LANCL1: variants seen among roughly 807,000 people sequenced by gnomAD.
The protein encoded by LANCL1 is glutathione S-transferase LANCL1.
Under a neutral mutation model 50.6 loss-of-function variants are expected in LANCL1, and 50 were observed. The observed-to-expected ratio is 0.99, with a 90% CI of 0.79 to 1.25. The LOEUF (loss-of-function observed/expected upper bound fraction) is 1.25, where lower values mean the gene tolerates loss of function less well. Ranked by LOEUF, LANCL1 falls within the 50% of genes most tolerant of loss-of-function variation. The probability of loss-of-function intolerance (pLI) is 0.00; values close to 1 mark genes in which losing one functional copy is unlikely to be tolerated. For missense variants in LANCL1, 532 were observed against 480.7 expected, an observed-to-expected ratio of 1.11 and a Z score of -1.00; for synonymous variants, 188 against 178.6, an observed-to-expected ratio of 1.05 and a Z score of -0.42.
chr2:210,473,868 A>C (rs1430202237), intron 2 of LANCL1, among the ~76,000 whole-genome samples: 1 of 152,252 alleles, frequency 6.6e-6, no homozygotes, highest in African/African-American at 2.4e-5. Context: ...ACTTGAAAAT[A>C]CATTTAGTAG....
chr2:210,433,538 G>T lies in LANCL1; in HGVS notation c.*949C>A, dbSNP rs1692817955. On this transcript the variant is annotated 3_prime_UTR_variant, in exon 10 of 10. Transcript: ENST00000450366. ...ATTGATAGGAAGGAAAATATTTTAT[G>T]GCTTATACCAAAGAGTCAGCACTAA... 6.6e-6 allele frequency: 1 copy of T among 152,030 alleles called. No homozygotes were observed. The highest frequency in any genetic ancestry group is 2.4e-5 in the African/African-American group (1 of 41,388). The allele number at this position is 152,030 out of a possible 1,614,324, so 9.4% of individuals were successfully genotyped here. A position where few individuals can be genotyped will look rare whatever the true frequency, so the allele number is the denominator to read the frequency against.
At chr2:210,447,631 A>C (rs1693383686) in intron 4 of LANCL1, among the ~76,000 whole-genome samples, 2 of 152,210 alleles carry the variant, frequency 1.3e-5, no homozygotes, top group Admixed American at 1.3e-4. Flanking sequence ...AAAGACACAC[A>C]TAGGCTCAAA....
chr2:210,472,866 T>G (rs16844516), intron 2 of LANCL1, among the ~76,000 whole-genome samples: 21,221 of 152,220 alleles, frequency 0.14, 1,925 homozygotes, highest in East Asian at 0.26. Context: ...TTGACATTTT[T>G]ACTAATTCTT....
intron 4 of LANCL1, among the ~76,000 whole-genome samples, chr2:210,449,847 CACAA>C (rs1693458585): frequency 6.6e-6 from 1 of 152,100 alleles, no homozygotes; most frequent in South Asian, 2.1e-4. Context: ...TAACAGAGGA[CACAA>C]ACAAATGGAA....
intron 3 of LANCL1, among the ~76,000 whole-genome samples, chr2:210,460,233 C>T (rs1043972874): frequency 2.6e-5 from 4 of 152,130 alleles, no homozygotes; most frequent in Admixed American, 2.6e-4. Context: ...GAGGCATTTT[C>T]GTGCAGTTCA....
rs1475668918 is a variant in LANCL1, at chr2:210,434,302, T to A, written c.*185A>T. 3.7e-6 allele frequency: 2 copies of A among 540,826 alleles called. No homozygotes were observed. The highest frequency in any genetic ancestry group is 6.5e-6 in the Non-Finnish European group (2 of 305,538). 33.5% of individuals were successfully genotyped at this position (540,826 alleles called of 1,614,324 possible). A position where few individuals can be genotyped will look rare whatever the true frequency, so the allele number is the denominator to read the frequency against. On this transcript the variant is annotated 3_prime_UTR_variant, in exon 10 of 10. Coordinates refer to ENST00000450366, the MANE Select transcript of LANCL1 (RefSeq NM_006055.3). Reference sequence around the variant, plus strand: ...ATTAAAGTTAAAAGACTTCCTTGGATACTTCTAAGTAAAAGTAAATGATAA... The same window carrying A: ...ATTAAAGTTAAAAGACTTCCTTGGAAACTTCTAAGTAAAAGTAAATGATAA...
chr2:210,472,030 A>AAT lies in LANCL1; in HGVS notation c.127_128insAT (p.Leu43HisfsTer10), dbSNP rs1242225328. The AAT allele has an allele frequency of 1.2e-6, 2 of 1,614,170 alleles. No homozygotes were observed. Among genetic ancestry groups the AAT allele is most frequent in the South Asian group, 2.2e-5 (2 of 91,086 alleles). ...CAGGCCTCTCTCCATTTGCTGAAGA[A>AAT]GCTCCCGAATCTTATTGGTCAAGCG... On this transcript the variant is annotated frameshift_variant, in exon 3 of 10. Transcript: ENST00000450366. LOFTEE classifies it high-confidence loss of function.
In LANCL1 at chr2:210,431,698, T is replaced by C. The variant is rs1692750838; in HGVS notation, c.*2789A>G. On this transcript the variant is annotated 3_prime_UTR_variant, in exon 10 of 10. Transcript: ENST00000450366. ...TGTTAATAAAGAAAGTAACCCTAGA[T>C]CCACTTTTACCTAAAACTCTACCTA... The C allele has an allele frequency of 6.6e-6, 1 of 152,122 alleles. No homozygotes were observed. Among genetic ancestry groups the C allele is most frequent in the Non-Finnish European group, 1.5e-5 (1 of 68,010 alleles). The allele number at this position is 152,122 out of a possible 1,614,324, so 9.4% of individuals were successfully genotyped here.
intron 3 of LANCL1, chr2:210,468,055 G>T (rs889302176): frequency 3.9e-5 from 6 of 152,280 alleles, no homozygotes; most frequent in South Asian, 4.1e-4. Context: ...ATGTTTTACA[G>T]TATTAAGTTT....
chr2:210,464,045 T>C (rs1441699097), intron 3 of LANCL1, among the ~76,000 whole-genome samples: 2 of 152,260 alleles, frequency 1.3e-5, no homozygotes, highest in Admixed American at 1.3e-4. Flanking sequence ...AAACAGTTTG[T>C]AAAGTAAGTG....
chr2:210,443,789 C>G (rs184169723), intron 4 of LANCL1, among the ~76,000 whole-genome samples: 1 of 152,278 alleles, frequency 6.6e-6, no homozygotes, highest in East Asian at 1.9e-4. Flanking sequence ...CAGAGGTACT[C>G]AGCACTGAAG....
intron 3 of LANCL1, among the ~76,000 whole-genome samples, chr2:210,467,194 T>C (rs912212384): frequency 2.0e-5 from 3 of 152,216 alleles, no homozygotes; most frequent in African/African-American, 7.2e-5. Context: ...TGACACGGAT[T>C]CGTATATGGT....
chr2:210,456,594 C>A, intron 3 of LANCL1, among the ~76,000 whole-genome samples: 1 of 151,448 alleles, frequency 6.6e-6, no homozygotes, highest in East Asian at 1.9e-4. Flanking sequence ...AAAAAAAAAA[C>A]CCTTTTCACA....
chr2:210,464,890 C>T lies in LANCL1; in HGVS notation c.199+7069G>A, dbSNP rs1346634425. On this transcript the variant is annotated intron_variant, in intron 3 of 9. Coordinates refer to ENST00000450366, the MANE Select transcript of LANCL1 (RefSeq NM_006055.3). ...CTGAGGCAGGAGAATGGCGTGAACC[C>T]GGGAAGCGGAGCTTGCAGTGAGCCG... Among the ~76,000 whole-genome samples, 13 of 146,004 alleles carry T rather than the reference C, an allele frequency of 8.9e-5. 1 individual carries two copies. The highest frequency in any genetic ancestry group is 1.4e-4 in the Admixed American group (2 of 14,794).
chr2:210,476,449 TA>T, intron 1 of LANCL1, 37 bp from the exon 2 acceptor site: 1 of 1,577,576 alleles, frequency 6.3e-7, no homozygotes, highest in Non-Finnish European at 8.6e-7. Flanking sequence ...TAGGTTGAGA[TA>T]GGGGCCTCGG....
At chr2:210,450,741 A>T (rs1170901213) in intron 4 of LANCL1, among the ~76,000 whole-genome samples, 2 of 152,244 alleles carry the variant, frequency 1.3e-5, no homozygotes, top group Non-Finnish European at 2.9e-5. Flanking sequence ...GCTCATCATC[A>T]CTGGTCATTA....
chr2:210,438,921 G>C (rs1429226008), intron 6 of LANCL1, among the ~76,000 whole-genome samples: 1 of 152,152 alleles, frequency 6.6e-6, no homozygotes, highest in African/African-American at 2.4e-5. Flanking sequence ...GCAAGGTGTG[G>C]GGCATGTGGT....
At chr2:210,470,055 T>C (rs1010252833) in intron 3 of LANCL1, among the ~76,000 whole-genome samples, 1 of 152,070 alleles carries the variant, frequency 6.6e-6, no homozygotes, top group African/African-American at 2.4e-5. Context: ...TTATATATTA[T>C]TACAATGTGG....
chr2:210,461,556 TA>T (rs947668169), intron 3 of LANCL1, among the ~76,000 whole-genome samples: 1 of 152,218 alleles, frequency 6.6e-6, no homozygotes, highest in Non-Finnish European at 1.5e-5. Context: ...CTTGAAACAC[TA>T]TAATGACTTG....
Sources: gnomAD v4.1 joint callset for allele counts (sites outside exome capture counted in the v4.1 genomes callset) on GRCh38, gnomAD v4.1.1 for gene constraint, MANE v1.5 for transcripts, NCBI Gene and HGNC (gene_info 2026-07-23, HGNC 2026-07-21) for gene names.